Variants in AGMO observed in about 807,000 individuals in gnomAD.
AGMO encodes the protein glyceryl-ether monooxygenase.
AGMO carries 75 observed loss-of-function variants against 60.2 expected under a neutral mutation model. That is an observed-to-expected ratio of 1.25 (90% CI 1.03 to 1.51). The LOEUF is 1.51. Ranked by LOEUF, AGMO falls within the 40% of genes most tolerant of loss-of-function variation. AGMO has a pLI of 0.00. For missense variants in AGMO, 763 were observed against 525.5 expected, an observed-to-expected ratio of 1.45 and a Z score of -4.42; for synonymous variants, 261 against 177.1, an observed-to-expected ratio of 1.47 and a Z score of -3.76.
At chr7:15,309,686 A>C (rs957366348) in intron 12 of AGMO, among the ~76,000 whole-genome samples, 1 of 150,882 alleles carries the variant, frequency 6.6e-6, no homozygotes, top group Non-Finnish European at 1.5e-5. Context: ...TATCCTCTCT[A>C]AAATAGACTA....
intron 12 of AGMO, among the ~76,000 whole-genome samples, chr7:15,322,617 T>A: frequency 1.6e-5 from 1 of 64,488 alleles, no homozygotes; most frequent in Non-Finnish European, 2.4e-5. Context: ...TATATAAATA[T>A]ATAAATATAT....
the AGMO span, among the ~76,000 whole-genome samples, chr7:15,188,771 G>A: frequency 2.9e-5 from 1 of 33,912 alleles, no homozygotes; most frequent in African/African-American, 1.8e-4. Context: ...CAAAGACAGT[G>A]TGGTTAGTGT....
chr7:15,437,558 G>A (rs1278027438), intron 3 of AGMO, among the ~76,000 whole-genome samples: 5 of 137,084 alleles, frequency 3.6e-5, no homozygotes, highest in African/African-American at 8.3e-5. Context: ...TTTTTGAGAC[G>A]GAGTCTGTCT....
In AGMO at chr7:15,492,261, G is replaced by A. The variant is rs117624789; in HGVS notation, c.409+52511C>T. Among the ~76,000 whole-genome samples the A allele has an allele frequency of 3.3e-5, 5 of 150,010 alleles. No homozygotes were observed. The East Asian group carries it at 9.9e-4, about 30-fold the overall frequency. On this transcript the variant is annotated intron_variant, in intron 3 of 12. Coordinates refer to ENST00000342526, the MANE Select transcript of AGMO (RefSeq NM_001004320.2). Reference sequence around the variant, plus strand: ...ACCTACCCTATATCCAGAGTTTGTAGTTCCTTCCTGGAGTTAAGACTAAGT... The same window carrying A: ...ACCTACCCTATATCCAGAGTTTGTAATTCCTTCCTGGAGTTAAGACTAAGT...
At chr7:15,130,057 T>C in the AGMO span, among the ~76,000 whole-genome samples, 1 of 152,104 alleles carries the variant, frequency 6.6e-6, no homozygotes. Context: ...CTACATGCGA[T>C]TCCTCCCCCT....
intron 12 of AGMO, among the ~76,000 whole-genome samples, chr7:15,254,693 AG>A (rs1401437612): frequency 1.3e-5 from 2 of 152,146 alleles, no homozygotes; most frequent in East Asian, 3.9e-4. Flanking sequence ...AATGAGACAA[AG>A]GGTTGTCATT....
chr7:15,533,786 C>T lies in AGMO; in HGVS notation c.409+10986G>A, dbSNP rs1018037515. ...CACCTGCACATCTGGTGTATTTTTCCGGGGCTCTTCTGTTCTGTTTGTTTA... is the reference window on the plus strand; with the variant it reads ...CACCTGCACATCTGGTGTATTTTTCTGGGGCTCTTCTGTTCTGTTTGTTTA... On this transcript the variant is annotated intron_variant, in intron 3 of 12. Transcript: ENST00000342526. Among the ~76,000 whole-genome samples, 5 of 152,148 alleles carry T rather than the reference C, an allele frequency of 3.3e-5. No individual in the cohort carries two copies. The East Asian group carries it at 7.7e-4, about 23-fold the overall frequency.
chr7:15,542,848 T>C (rs1784668458), intron 3 of AGMO, among the ~76,000 whole-genome samples: 1 of 152,234 alleles, frequency 6.6e-6, no homozygotes, highest in South Asian at 2.1e-4. Flanking sequence ...CGCACAAACT[T>C]AATAACTTTT....
Position 15,544,847 on chromosome 7 carries a change from C to G in AGMO, c.334G>C (p.Asp112His). Reference sequence around the variant, plus strand: ...GCTGAATACCAAGTCCATGGAGAATCCCAAGGCAAATTGAACAGCCTGTAG... The same window carrying G: ...GCTGAATACCAAGTCCATGGAGAATGCCAAGGCAAATTGAACAGCCTGTAG... ...ENYRLFNLPW[D>H]SPWTWYSAFL... Residue 112 changes from aspartate (D) to histidine (H), a missense_variant, in exon 3 of 13, where the codon GAT becomes CAT. Asp to His is a moderately conservative substitution (Grantham distance 81, BLOSUM62 -1). Coordinates refer to ENST00000342526, the MANE Select transcript of AGMO (RefSeq NM_001004320.2). 6.2e-7 allele frequency: 1 copy of G among 1,610,002 alleles called. No homozygotes were observed.
intron 3 of AGMO, among the ~76,000 whole-genome samples, chr7:15,536,581 G>A (rs893997979): frequency 6.6e-6 from 1 of 151,754 alleles, no homozygotes; most frequent in Non-Finnish European, 1.5e-5. Flanking sequence ...ATTCACAATA[G>A]AATAAACAAT....
intron 3 of AGMO, among the ~76,000 whole-genome samples, chr7:15,500,480 C>A (rs1028027393): frequency 2.6e-5 from 4 of 151,588 alleles, no homozygotes; most frequent in Non-Finnish European, 5.9e-5. Flanking sequence ...ATAAGAGTAT[C>A]GATTCATGTG....
chr7:15,505,605 G>T (rs1346709024), intron 3 of AGMO, among the ~76,000 whole-genome samples: 2 of 151,834 alleles, frequency 1.3e-5, no homozygotes, highest in African/African-American at 4.8e-5. Flanking sequence ...TTACACAGTT[G>T]TGAAAAGTCT....
At chr7:15,341,358 C>T (rs774732790) in intron 12 of AGMO, among the ~76,000 whole-genome samples, 1 of 152,168 alleles carries the variant, frequency 6.6e-6, no homozygotes, top group Non-Finnish European at 1.5e-5. Flanking sequence ...ATCTCTAGGG[C>T]AGGGGCAAAA....
chr7:15,428,574 A>G (rs11765688), intron 4 of AGMO, among the ~76,000 whole-genome samples: 24,883 of 152,110 alleles, frequency 0.16, 2,151 homozygotes, highest in Non-Finnish European at 0.2. Context: ...CAGAGATTAC[A>G]ATAAACTGGA....
intron 10 of AGMO, among the ~76,000 whole-genome samples, chr7:15,376,054 C>T (rs1783438528): frequency 6.6e-6 from 1 of 152,048 alleles, no homozygotes; most frequent in African/African-American, 2.4e-5. Context: ...ATACAATGAT[C>T]ACTTTTCTAC....
chr7:15,351,168 AAAC>A (rs1454477994), intron 12 of AGMO, among the ~76,000 whole-genome samples: 2 of 152,156 alleles, frequency 1.3e-5, no homozygotes, highest in African/African-American at 4.8e-5. Flanking sequence ...TCTAGAAACT[AAAC>A]AATTCATGGG....
At chr7:15,449,670 T>C (rs1583564362) in intron 3 of AGMO, among the ~76,000 whole-genome samples, 2 of 152,298 alleles carry the variant, frequency 1.3e-5, no homozygotes, top group East Asian at 1.9e-4. Flanking sequence ...CATAGCAGAA[T>C]TGTCTAACTG....
At chr7:15,359,662 A>T (rs1160476838) in intron 12 of AGMO, among the ~76,000 whole-genome samples, 1 of 152,180 alleles carries the variant, frequency 6.6e-6, no homozygotes, top group Non-Finnish European at 1.5e-5. Context: ...TTTATCCTAA[A>T]ATACGTCAAC....
At chr7:15,521,434 T>C (rs977253845) in intron 3 of AGMO, among the ~76,000 whole-genome samples, 1 of 152,146 alleles carries the variant, frequency 6.6e-6, no homozygotes, top group African/African-American at 2.4e-5. Flanking sequence ...TAAACATCAA[T>C]GTGGAAATCC....
Sources: gnomAD v4.1 joint callset for allele counts (sites outside exome capture counted in the v4.1 genomes callset) on GRCh38, gnomAD v4.1.1 for gene constraint, MANE v1.5 for transcripts, NCBI Gene and HGNC (gene_info 2026-07-23, HGNC 2026-07-21) for gene names.